Variants in WDR25 observed in about 807,000 individuals in gnomAD.
WDR25 encodes WD repeat domain 25, also known as WD repeat-containing protein 25.
In WDR25, 35 loss-of-function variants were observed where a neutral mutation model predicts 47.7. That is an observed-to-expected ratio of 0.73 (90% CI 0.56 to 0.97). The LOEUF (loss-of-function observed/expected upper bound fraction) is 0.97, where lower values mean the gene tolerates loss of function less well. Among genes scored for constraint, WDR25 ranks in the 50% least tolerant of loss-of-function variants. The probability of loss-of-function intolerance (pLI) is 0.00; values close to 1 mark genes in which losing one functional copy is unlikely to be tolerated. For missense variants in WDR25, 634 were observed against 704.7 expected (o/e 0.90, Z 1.14); for synonymous variants, 248 against 278.9 (o/e 0.89, Z 1.10).
Position 100,498,152 on chromosome 14 carries a change from C to A in WDR25, c.1101+14028C>A, listed in dbSNP as rs532790426. 6.6e-6 allele frequency among the ~76,000 whole-genome samples: 1 copy of A among 152,226 alleles called. No individual in the cohort carries two copies. Among genetic ancestry groups the A allele is most frequent in the African/African-American group, 2.4e-5 (1 of 41,454 alleles). ...TGATGGCTGTGTGATTTTAAGCACA[C>A]GGATGTTCCATGTACCCTGTCAGTG... On this transcript the variant is annotated intron_variant, in intron 4 of 6. Transcript: ENST00000402312. The surrounding 1 kb of genome is among the most constrained non-coding windows in gnomAD (Gnocchi z 4.2).
At chr14:100,397,735 G>C (rs1897290967) in intron 2 of WDR25, among the ~76,000 whole-genome samples, 1 of 152,228 alleles carries the variant, frequency 6.6e-6, no homozygotes, top group Non-Finnish European at 1.5e-5. Context: ...AGTGTGCAAA[G>C]GCAGGGAGGT....
At chr14:100,376,628 C>G in intron 1 of WDR25, 133 bp downstream of exon 1, 1 of 1,231,974 alleles carries the variant, frequency 8.1e-7, no homozygotes, top group Non-Finnish European at 1.0e-6. Context: ...TCAGAAAGCG[C>G]TGTGCCTTGG....
Position 100,386,926 on chromosome 14 carries a change from C to T in WDR25, c.822+5180C>T, listed in dbSNP as rs540469971. Reference sequence around the variant, plus strand: ...AAAGAAAAAGATGGGCTTTGATTTACACCCAGGCATTAGCTAAAGCCCTTG... The same window carrying T: ...AAAGAAAAAGATGGGCTTTGATTTATACCCAGGCATTAGCTAAAGCCCTTG... On this transcript the variant is annotated intron_variant, in intron 2 of 6. Coordinates refer to ENST00000402312, the MANE Select transcript of WDR25 (RefSeq NM_001161476.3). Among the ~76,000 whole-genome samples, 5 of 152,130 alleles carry T rather than the reference C, an allele frequency of 3.3e-5. No individual in the cohort carries two copies. In the South Asian group the frequency reaches 8.3e-4, roughly 25 times the overall value.
intron 2 of WDR25, among the ~76,000 whole-genome samples, chr14:100,464,965 C>T (rs562120478): frequency 6.6e-6 from 1 of 151,294 alleles, no homozygotes; most frequent in Non-Finnish European, 1.5e-5. Context: ...TCTCCCCTAC[C>T]CCATCTCATC....
rs1447182481 is a variant in WDR25 at position 100,525,243 on chromosome 14, C to A, written c.1102-627C>A. Among the ~76,000 whole-genome samples the A allele has an allele frequency of 6.6e-6, 1 of 152,208 alleles. No homozygotes were observed. The highest frequency in any genetic ancestry group is 1.5e-5 in the Non-Finnish European group (1 of 68,052). On this transcript the variant is annotated intron_variant, in intron 4 of 6. Coordinates refer to ENST00000402312, the MANE Select transcript of WDR25 (RefSeq NM_001161476.3). This position sits in a 1 kb window ranked among gnomAD's most constrained non-coding sequence, Gnocchi z 4.6. Reference sequence around the variant, plus strand: ...AGAGCTGGATACTTGAGAGCAGAAGCTGAATGTGATAAAATCCTCTAAGAA... The same window carrying A: ...AGAGCTGGATACTTGAGAGCAGAAGATGAATGTGATAAAATCCTCTAAGAA...
intron 2 of WDR25, among the ~76,000 whole-genome samples, chr14:100,397,259 A>G (rs35848003): frequency 0.19 from 28,564 of 152,208 alleles, 2,822 homozygotes; most frequent in Non-Finnish European, 0.21. Context: ...ATACTTGTAC[A>G]GTGCGTATAT....
chr14:100,383,411 G>A (rs1317033527), intron 2 of WDR25, among the ~76,000 whole-genome samples: 1 of 152,256 alleles, frequency 6.6e-6, no homozygotes, highest in African/African-American at 2.4e-5. Context: ...AGGATGGGAA[G>A]CCCATCTGGA....
rs114326447 is a variant in WDR25 at position 100,482,863 on chromosome 14, C to A, written c.971-1131C>A. On this transcript the variant is annotated intron_variant, in intron 3 of 6. Transcript: ENST00000402312. The stretch of plus-strand genomic sequence containing the variant: ...CCCTAAGTAGCCCACTGCTCAGTCC[C>A]ATGGGGGAGTTTCTACGGGTACAAG... Among the ~76,000 whole-genome samples, 684 of 152,322 alleles carry A rather than the reference C, an allele frequency of 4.5e-3. 5 individuals carry two copies. The highest frequency in any genetic ancestry group is 0.016 in the African/African-American group (656 of 41,584).
chr14:100,477,453 CA>C (rs371820652), intron 3 of WDR25, among the ~76,000 whole-genome samples: 7 of 152,274 alleles, frequency 4.6e-5, no homozygotes, highest in African/African-American at 1.7e-4. Flanking sequence ...AATAAGCATA[CA>C]GTGAATAAAC....
At chr14:100,443,794 C>A (rs1898741242) in intron 2 of WDR25, among the ~76,000 whole-genome samples, 2 of 152,092 alleles carry the variant, frequency 1.3e-5, no homozygotes, top group Admixed American at 1.3e-4. Context: ...GAAATGAGCG[C>A]ATTTGGAAGG....
chr14:100,416,283 C>T (rs1486518563), intron 2 of WDR25, among the ~76,000 whole-genome samples: 2 of 152,152 alleles, frequency 1.3e-5, no homozygotes, highest in East Asian at 1.9e-4. Context: ...TCCTGGTAAT[C>T]GTAGATGCCC....
chr14:100,422,475 C>T (rs1339997424), intron 2 of WDR25, among the ~76,000 whole-genome samples: 1 of 152,214 alleles, frequency 6.6e-6, no homozygotes, highest in East Asian at 1.9e-4. Context: ...GGAGATTGGA[C>T]TCCACCTTCA....
chr14:100,472,547 G>T (rs979992682), intron 3 of WDR25, among the ~76,000 whole-genome samples: 5 of 152,234 alleles, frequency 3.3e-5, no homozygotes, highest in Non-Finnish European at 7.3e-5. Flanking sequence ...GGCCCATGAG[G>T]CCCTTGTTCC....
intron 3 of WDR25, among the ~76,000 whole-genome samples, chr14:100,469,593 A>G (rs1023822807): frequency 3.9e-5 from 6 of 152,078 alleles, no homozygotes; most frequent in Non-Finnish European, 7.4e-5. Context: ...CTCACAAAGC[A>G]CTTCCCTGGT....
intron 4 of WDR25, among the ~76,000 whole-genome samples, chr14:100,496,074 T>C (rs11848260): frequency 0.05 from 7,677 of 152,302 alleles, 670 homozygotes; most frequent in African/African-American, 0.17. Flanking sequence ...CCACCAACAA[T>C]GTGTGAGGGT....
intron 2 of WDR25, among the ~76,000 whole-genome samples, chr14:100,453,548 C>G (rs1899108778): frequency 6.6e-6 from 1 of 152,170 alleles, no homozygotes; most frequent in Non-Finnish European, 1.5e-5. Flanking sequence ...GGAGGCGGTC[C>G]CAGAATAATG....
At chr14:100,518,729 A>G (rs1901593482) in intron 4 of WDR25, among the ~76,000 whole-genome samples, 2 of 151,952 alleles carry the variant, frequency 1.3e-5, no homozygotes, top group Admixed American at 1.3e-4. Flanking sequence ...CGTCTCTACT[A>G]AAATACAAAA....
At chr14:100,486,447 A>G (rs1900385958) in intron 4 of WDR25, among the ~76,000 whole-genome samples, 1 of 152,162 alleles carries the variant, frequency 6.6e-6, no homozygotes, top group African/African-American at 2.4e-5. Flanking sequence ...TCTGTGCAGT[A>G]TTTGTTTTTA....
chr14:100,439,226 T>C (rs983480078), intron 2 of WDR25, among the ~76,000 whole-genome samples: 7 of 152,252 alleles, frequency 4.6e-5, no homozygotes, highest in African/African-American at 1.7e-4. Context: ...TGGCACTTGG[T>C]GGGCACTCAG....
Sources: gnomAD v4.1 joint callset for allele counts (sites outside exome capture counted in the v4.1 genomes callset) on GRCh38, gnomAD v4.1.1 for gene constraint, Gnocchi (gnomAD v3.1) non-coding constraint, MANE v1.5 for transcripts, NCBI Gene and HGNC (gene_info 2026-07-23, HGNC 2026-07-21) for gene names.